HDAC9: variants seen among roughly 807,000 people sequenced by gnomAD.
The protein encoded by HDAC9 is histone deacetylase 9.
Under a neutral mutation model 139.4 loss-of-function variants are expected in HDAC9, and 41 were observed. The ratio of observed to expected loss-of-function variants is 0.29; its 90% CI spans 0.23 to 0.38. The LOEUF is 0.38. Ranked by LOEUF, HDAC9 falls within the 10% of genes least tolerant of loss-of-function variation. The probability of loss-of-function intolerance (pLI) is 1.00; values close to 1 mark genes in which losing one functional copy is unlikely to be tolerated. For missense variants in HDAC9, 1,147 were observed against 1,297.0 expected (o/e 0.88, Z 1.78); for synonymous variants, 517 against 476.2 (o/e 1.09, Z -1.12).
intron 6 of HDAC9, among the ~76,000 whole-genome samples, chr7:18,599,419 G>A (rs1160661164): frequency 1.3e-5 from 2 of 152,128 alleles, no homozygotes; most frequent in African/African-American, 4.8e-5. Context: ...GAATGATATA[G>A]AATAGTTTTA....
intron 12 of HDAC9, among the ~76,000 whole-genome samples, chr7:18,673,631 G>C (rs1233376296): frequency 6.6e-6 from 1 of 151,910 alleles, no homozygotes; most frequent in African/African-American, 2.4e-5. Context: ...GTTTGCATTT[G>C]TGACTCACAT....
rs536945179 is a variant in HDAC9 at position 18,737,525 on chromosome 7, T to C, written c.1909+9768T>C. ...TCATTCAGGAGCAGGTTGTTCAGTT[T>C]CCATGTAGTTGTCCAGTTTTGATTA... On this transcript the variant is annotated intron_variant, in intron 13 of 25. Coordinates refer to ENST00000686413, the MANE Select transcript of HDAC9 (RefSeq NM_178425.4). Among the ~76,000 whole-genome samples the C allele has an allele frequency of 5.9e-5, 9 of 152,348 alleles. No homozygotes were observed. In the South Asian group the frequency reaches 1.9e-3, roughly 32 times the overall value.
intron 22 of HDAC9, among the ~76,000 whole-genome samples, chr7:18,905,632 C>T (rs1027460387): frequency 2.0e-5 from 3 of 152,038 alleles, no homozygotes; most frequent in Admixed American, 2.0e-4. Flanking sequence ...CATGAAGAAA[C>T]AAACCTGCAA....
chr7:18,738,341 T>A (rs1787121683), intron 13 of HDAC9, among the ~76,000 whole-genome samples: 1 of 152,248 alleles, frequency 6.6e-6, no homozygotes, highest in Admixed American at 6.5e-5. Context: ...ATTGATGCAG[T>A]TTCTTCATAG....
At chr7:18,312,481 A>G (rs962946279) in intron 1 of HDAC9, among the ~76,000 whole-genome samples, 2 of 152,048 alleles carry the variant, frequency 1.3e-5, no homozygotes, top group East Asian at 3.9e-4. Flanking sequence ...CTCCTTTTTC[A>G]CTGCTACATA....
chr7:18,870,528 T>C (rs1798833568), intron 21 of HDAC9, among the ~76,000 whole-genome samples: 1 of 152,204 alleles, frequency 6.6e-6, no homozygotes, highest in Non-Finnish European at 1.5e-5. Flanking sequence ...ATGTTAACTT[T>C]ATTCAGGTAG....
At chr7:18,977,919 GACACAC>G (rs147049392) in intron 25 of HDAC9, among the ~76,000 whole-genome samples, 47,121 of 140,856 alleles carry the variant, frequency 0.33, 8,282 homozygotes, top group Non-Finnish European at 0.41. Context: ...CAGACAGACA[GACACAC>G]ACACACACAC....
intron 17 of HDAC9, among the ~76,000 whole-genome samples, chr7:18,824,561 C>T (rs1469862842): frequency 2.6e-5 from 4 of 152,104 alleles, no homozygotes; most frequent in East Asian, 3.9e-4. Flanking sequence ...ACATTGAAAT[C>T]ATGAAAGTGA....
chr7:18,666,158 T>G, intron 11 of HDAC9, 55 bp from the exon 12 acceptor site: 2 of 1,509,706 alleles, frequency 1.3e-6, no homozygotes, highest in Non-Finnish European at 1.8e-6. Flanking sequence ...GTAATTTGCT[T>G]CTCTGTTACC....
chr7:18,761,701 G>A (rs556183805), intron 14 of HDAC9, among the ~76,000 whole-genome samples: 12 of 152,260 alleles, frequency 7.9e-5, no homozygotes, highest in South Asian at 6.2e-4. Context: ...AGTCATTAGC[G>A]TATCTGTGAT....
chr7:18,389,976 CAATT>C (rs1451078419), intron 1 of HDAC9, among the ~76,000 whole-genome samples: 2 of 150,384 alleles, frequency 1.3e-5, no homozygotes, highest in East Asian at 3.9e-4. Context: ...CCATACGCAT[CAATT>C]AGTGTAGTTG....
intron 1 of HDAC9, among the ~76,000 whole-genome samples, chr7:18,460,890 A>G (rs1404424693): frequency 6.6e-6 from 1 of 152,130 alleles, no homozygotes; most frequent in East Asian, 1.9e-4. Context: ...TTGAGCAGAA[A>G]AATTATTAAA....
chr7:18,313,163 C>G (rs1052456159), intron 1 of HDAC9, among the ~76,000 whole-genome samples: 2 of 152,004 alleles, frequency 1.3e-5, no homozygotes, highest in South Asian at 2.1e-4. Context: ...CCCATGAATT[C>G]TAAGAATATT....
chr7:18,391,413 G>C (rs1786479229), intron 1 of HDAC9, among the ~76,000 whole-genome samples: 1 of 151,672 alleles, frequency 6.6e-6, no homozygotes, highest in African/African-American at 2.4e-5. Flanking sequence ...AAGTAAAAAA[G>C]AAGAGAGAAC....
At chr7:18,554,083 A>G (rs888693457) in intron 2 of HDAC9, among the ~76,000 whole-genome samples, 2 of 152,178 alleles carry the variant, frequency 1.3e-5, no homozygotes, top group African/African-American at 4.8e-5. Flanking sequence ...GTGACAGTAA[A>G]AAATAAGTCC....
At chr7:18,643,158 T>C (rs781704089) in intron 8 of HDAC9, among the ~76,000 whole-genome samples, 5 of 152,138 alleles carry the variant, frequency 3.3e-5, no homozygotes, top group Admixed American at 6.6e-5. Flanking sequence ...GTGAAAAGCT[T>C]ATTATTTGTA....
At chr7:18,417,510 T>C (rs1444304879) in intron 1 of HDAC9, among the ~76,000 whole-genome samples, 2 of 152,234 alleles carry the variant, frequency 1.3e-5, no homozygotes, top group Admixed American at 1.3e-4. Flanking sequence ...GTGCTAGATA[T>C]TTTCATACTC....
chr7:18,943,959 A>T (rs906426844), intron 23 of HDAC9, among the ~76,000 whole-genome samples: 2 of 152,132 alleles, frequency 1.3e-5, no homozygotes, highest in Non-Finnish European at 2.9e-5. Context: ...CCTGATTCTG[A>T]TATTTCCCCC....
At chr7:18,171,754 A>T (rs1029909333) in intron 2 of HDAC9, among the ~76,000 whole-genome samples, 2 of 152,066 alleles carry the variant, frequency 1.3e-5, no homozygotes, top group African/African-American at 2.4e-5. Context: ...ATGTTTATTG[A>T]TTTCCGTATG....
Sources: gnomAD v4.1 joint callset for allele counts (sites outside exome capture counted in the v4.1 genomes callset) on GRCh38, gnomAD v4.1.1 for gene constraint, MANE v1.5 for transcripts, NCBI Gene and HGNC (gene_info 2026-07-23, HGNC 2026-07-21) for gene names.